LMBR1: variants seen among roughly 807,000 people sequenced by gnomAD.
The protein encoded by LMBR1 is limb region 1 protein homolog.
A neutral mutation model predicts 73.9 loss-of-function variants in LMBR1; 52 were observed. The observed-to-expected ratio is 0.70, with a 90% CI of 0.56 to 0.89. The LOEUF (loss-of-function observed/expected upper bound fraction) is 0.89, where lower values mean the gene tolerates loss of function less well. LMBR1 is among the 40% of genes least tolerant of loss of function. The probability of loss-of-function intolerance (pLI) is 0.00; values close to 1 mark genes in which losing one functional copy is unlikely to be tolerated. For missense variants in LMBR1, 539 were observed against 579.8 expected (o/e 0.93, Z 0.72); for synonymous variants, 215 against 209.4 (o/e 1.03, Z -0.23).
chr7:156,861,230 T>C (rs1797672426), intron 1 of LMBR1, among the ~76,000 whole-genome samples: 1 of 152,210 alleles, frequency 6.6e-6, no homozygotes, highest in African/African-American at 2.4e-5. Context: ...AATTCTTGAC[T>C]TCTGTGCACC....
intron 1 of LMBR1, among the ~76,000 whole-genome samples, chr7:156,839,153 G>T (rs549703772): frequency 6.8e-6 from 1 of 147,884 alleles, no homozygotes; most frequent in East Asian, 2.1e-4. Context: ...AGGTTCAAGT[G>T]ATTCTCCTGC....
At chr7:156,856,540 G>A (rs534692269) in intron 1 of LMBR1, among the ~76,000 whole-genome samples, 150 of 151,960 alleles carry the variant, frequency 9.9e-4, no homozygotes, top group African/African-American at 1.8e-3. Context: ...GGCCAACATC[G>A]AGAAACCCCA....
At chr7:156,813,498 A>G (rs1025319544) in intron 4 of LMBR1, among the ~76,000 whole-genome samples, 1 of 152,186 alleles carries the variant, frequency 6.6e-6, no homozygotes, top group African/African-American at 2.4e-5. Context: ...AGTAAGCCTC[A>G]ACTCCTATGT....
At chr7:156,787,127 G>A (rs1210563304) in intron 5 of LMBR1, among the ~76,000 whole-genome samples, 1 of 152,138 alleles carries the variant, frequency 6.6e-6, no homozygotes, top group Non-Finnish European at 1.5e-5. Context: ...GTGTGCGCAT[G>A]CTTTAAAATC....
intron 1 of LMBR1, among the ~76,000 whole-genome samples, chr7:156,884,285 T>C (rs928418724): frequency 6.6e-5 from 10 of 152,168 alleles, no homozygotes; most frequent in African/African-American, 2.2e-4. Flanking sequence ...CCTTGATGAC[T>C]GACTCTTCTG....
At position 156,725,428 on chromosome 7, in the gene LMBR1, A is replaced by G; in HGVS notation, c.1158+7T>C. ...AGAGGCCACAGTCACCTAAGATTCT[A>G]CCTTACCTTTGTCATAGTTGTGTCA... On this transcript the variant is annotated splice_region_variant and intron_variant, in intron 14 of 16. Coordinates refer to ENST00000353442, the MANE Select transcript of LMBR1 (RefSeq NM_022458.4). 6.3e-7 allele frequency: 1 copy of G among 1,576,692 alleles called. No individual in the cohort carries two copies.
At chr7:156,712,708 CACA>C (rs1028550062) in intron 15 of LMBR1, among the ~76,000 whole-genome samples, 3 of 152,104 alleles carry the variant, frequency 2.0e-5, no homozygotes, top group Non-Finnish European at 2.9e-5. Context: ...TCATGTATTT[CACA>C]ACAACATGGG....
intron 4 of LMBR1, among the ~76,000 whole-genome samples, chr7:156,825,644 T>C (rs1242844910): frequency 1.3e-5 from 2 of 152,210 alleles, no homozygotes; most frequent in African/African-American, 4.8e-5. Flanking sequence ...TCAGTTTACA[T>C]ACACTAAATT....
chr7:156,892,731 GAGGGGAGAGGAGAGGTGGGGAGGGA>G, intron 1 of LMBR1, 172 bp downstream of exon 1: 2 of 390,174 alleles, frequency 5.1e-6, no homozygotes, highest in Non-Finnish European at 9.1e-6. Flanking sequence ...AAGGGGAGGG[GAGGGGAGAGGAGAGGTGGGGAGGGA>G]AGGGGAGGGG....
At chr7:156,864,572 T>C (rs773749111) in intron 1 of LMBR1, among the ~76,000 whole-genome samples, 3 of 152,154 alleles carry the variant, frequency 2.0e-5, no homozygotes, top group Non-Finnish European at 4.4e-5. Flanking sequence ...AAAATAACAT[T>C]TTCATATACC....
At chr7:156,832,085 A>T (rs1836799783) in intron 3 of LMBR1, among the ~76,000 whole-genome samples, 1 of 152,246 alleles carries the variant, frequency 6.6e-6, no homozygotes, top group Non-Finnish European at 1.5e-5. Flanking sequence ...TAAAACCCGT[A>T]ATTCTGTAAA....
At chr7:156,836,233 G>A (rs1391024394) in intron 2 of LMBR1, among the ~76,000 whole-genome samples, 1 of 152,130 alleles carries the variant, frequency 6.6e-6, no homozygotes, top group Non-Finnish European at 1.5e-5. Context: ...GAAAACAGCT[G>A]AGATTTAACA....
chr7:156,717,879 T>C (rs2132278325), intron 15 of LMBR1, among the ~76,000 whole-genome samples: 1 of 152,346 alleles, frequency 6.6e-6, no homozygotes, highest in Non-Finnish European at 1.5e-5. Flanking sequence ...TGTATACATA[T>C]GCACAGGAAA....
rs1804367804 is a variant in LMBR1, at chr7:156,677,978, A to G, written c.*6100T>C. ...AGCACAGGCACGTGTCAAAGGCCAG[A>G]GCAGTCCGATTCCGCCGCCCTAAAC... On this transcript the variant is annotated 3_prime_UTR_variant, in exon 17 of 17. Transcript: ENST00000353442. 1 of 152,278 alleles carries G rather than the reference A, an allele frequency of 6.6e-6. No homozygotes were observed. Among genetic ancestry groups the G allele is most frequent in the Non-Finnish European group, 1.5e-5 (1 of 68,074 alleles). The allele number at this position is 152,278 out of a possible 1,614,324, so 9.4% of individuals were successfully genotyped here.
At chr7:156,870,143 C>T (rs903655545) in intron 1 of LMBR1, among the ~76,000 whole-genome samples, 1 of 152,116 alleles carries the variant, frequency 6.6e-6, no homozygotes, top group Non-Finnish European at 1.5e-5. Context: ...ATTTTCAATA[C>T]TGAACAAAAC....
intron 1 of LMBR1, among the ~76,000 whole-genome samples, chr7:156,865,091 G>A (rs970324844): frequency 6.6e-6 from 1 of 151,410 alleles, no homozygotes; most frequent in African/African-American, 2.4e-5. Context: ...AGGATCGCTT[G>A]AGCTCAGCAG....
At chr7:156,763,199 T>C in intron 6 of LMBR1, 23 bp from the exon 7 acceptor site, 2 of 1,063,668 alleles carry the variant, frequency 1.9e-6, no homozygotes, top group South Asian at 3.0e-5. Context: ...AGTAAATATA[T>C]TTTAATAAAT....
At chr7:156,816,352 C>T (rs1003062480) in intron 4 of LMBR1, among the ~76,000 whole-genome samples, 1 of 152,068 alleles carries the variant, frequency 6.6e-6, no homozygotes, top group Non-Finnish European at 1.5e-5. Flanking sequence ...ATTATAGACA[C>T]GCACCATCAC....
intron 5 of LMBR1, among the ~76,000 whole-genome samples, chr7:156,777,040 TC>T (rs1826279011): frequency 6.6e-6 from 1 of 151,838 alleles, no homozygotes; most frequent in African/African-American, 2.4e-5. Context: ...CACGCCACTC[TC>T]CCGCCTCAGC....
Sources: allele counts gnomAD v4.1 joint callset (sites outside exome capture counted in the v4.1 genomes callset), GRCh38; gene constraint gnomAD v4.1.1; transcripts MANE v1.5; gene names NCBI Gene and HGNC (gene_info 2026-07-23, HGNC 2026-07-21).